ADAM22: variants seen among roughly 807,000 people sequenced by gnomAD.
ADAM22 encodes disintegrin and metalloproteinase domain-containing protein 22.
In ADAM22, 65 loss-of-function variants were observed where a neutral mutation model predicts 144.6. The ratio of observed to expected loss-of-function variants is 0.45; its 90% CI spans 0.37 to 0.55. ADAM22 has a LOEUF of 0.55. Among genes scored for constraint, ADAM22 ranks in the 20% least tolerant of loss-of-function variants. ADAM22 has a pLI of 0.00. For missense variants in ADAM22, 974 were observed against 1,184.9 expected, an observed-to-expected ratio of 0.82 and a Z score of 2.61; for synonymous variants, 391 against 412.6, an observed-to-expected ratio of 0.95 and a Z score of 0.63.
chr7:88,177,855 GA>G (rs1324494114), intron 26 of ADAM22, among the ~76,000 whole-genome samples: 1 of 152,118 alleles, frequency 6.6e-6, no homozygotes, highest in Non-Finnish European at 1.5e-5. Context: ...ATAAGAAAAA[GA>G]AAAGTTAGCA....
chr7:88,002,072 C>T (rs1278140169), intron 3 of ADAM22, among the ~76,000 whole-genome samples: 1 of 152,016 alleles, frequency 6.6e-6, no homozygotes, highest in Non-Finnish European at 1.5e-5. Context: ...AAATATGATG[C>T]ATATCATTTG....
intron 26 of ADAM22, among the ~76,000 whole-genome samples, chr7:88,175,264 A>G (rs887982920): frequency 6.6e-6 from 1 of 152,178 alleles, no homozygotes; most frequent in Non-Finnish European, 1.5e-5. Flanking sequence ...TTATGAACAC[A>G]TTAAGAGTTG....
chr7:88,123,846 G>A (rs1390331008), intron 7 of ADAM22, among the ~76,000 whole-genome samples: 1 of 151,684 alleles, frequency 6.6e-6, no homozygotes, highest in African/African-American at 2.4e-5. Flanking sequence ...AAATTACCAT[G>A]TGATTTCTTC....
chr7:88,189,829 A>G (rs1849210837), intron 30 of ADAM22, among the ~76,000 whole-genome samples: 1 of 152,146 alleles, frequency 6.6e-6, no homozygotes, highest in Non-Finnish European at 1.5e-5. Context: ...TTGTAATCCC[A>G]GCTACTTGGG....
chr7:88,080,606 C>A (rs995180656), intron 4 of ADAM22, among the ~76,000 whole-genome samples: 6 of 151,562 alleles, frequency 4.0e-5, no homozygotes, highest in Non-Finnish European at 8.8e-5. Context: ...GTTAGCAAGA[C>A]TAATAAAGAA....
rs376565955 is a variant in ADAM22, at chr7:88,138,468, G to A, written c.1220+2437G>A. On this transcript the variant is annotated intron_variant, in intron 14 of 31. Coordinates refer to ENST00000413139, the MANE Select transcript of ADAM22 (RefSeq NM_001324418.2). ...GAAAAGCCGTTTGTATAAAACTATGGGATATGACGCTATAATTTGATTGCA... is the reference window on the plus strand; with the variant it reads ...GAAAAGCCGTTTGTATAAAACTATGAGATATGACGCTATAATTTGATTGCA... Among the ~76,000 whole-genome samples, 18 of 152,236 alleles carry A rather than the reference G, an allele frequency of 1.2e-4. No individual in the cohort carries two copies. In the South Asian group the frequency reaches 3.1e-3, roughly 26 times the overall value.
At chr7:88,039,396 T>C (rs1043276996) in intron 3 of ADAM22, among the ~76,000 whole-genome samples, 2 of 141,148 alleles carry the variant, frequency 1.4e-5, no homozygotes, top group Non-Finnish European at 3.1e-5. Context: ...GAGCCGAGAT[T>C]GCACCACTGC....
intron 4 of ADAM22, among the ~76,000 whole-genome samples, chr7:88,082,990 A>G (rs1194705375): frequency 6.6e-6 from 1 of 152,212 alleles, no homozygotes; most frequent in Non-Finnish European, 1.5e-5. Context: ...ATTAGTGGGT[A>G]TATACCCAAA....
intron 14 of ADAM22, 49 bp from the exon 15 acceptor site, chr7:88,142,977 A>G (rs756803121): frequency 1.0e-5 from 12 of 1,176,510 alleles, no homozygotes; most frequent in Non-Finnish European, 1.5e-5. Flanking sequence ...ACATTCACAA[A>G]TGAGAAAGAT....
chr7:88,172,237 A>G (rs577495254), intron 26 of ADAM22, among the ~76,000 whole-genome samples: 4 of 152,076 alleles, frequency 2.6e-5, no homozygotes, highest in African/African-American at 9.6e-5. Flanking sequence ...CAAAATGTTC[A>G]TGTTGTTCTA....
intron 2 of ADAM22, among the ~76,000 whole-genome samples, chr7:87,968,424 A>G (rs188000293): frequency 4.6e-5 from 7 of 152,046 alleles, no homozygotes; most frequent in Non-Finnish European, 8.8e-5. Flanking sequence ...TGTAATCCCA[A>G]CGAATCAGGA....
At chr7:87,943,385 T>C (rs1260152004) in intron 2 of ADAM22, among the ~76,000 whole-genome samples, 1 of 151,936 alleles carries the variant, frequency 6.6e-6, no homozygotes, top group African/African-American at 2.4e-5. Context: ...TCTTTTATAA[T>C]CTTTACTACT....
At chr7:88,153,181 C>T (rs749775730) in intron 20 of ADAM22, 40 bp from the exon 21 acceptor site, 9 of 1,444,850 alleles carry the variant, frequency 6.2e-6, no homozygotes, top group South Asian at 6.1e-5. Context: ...GCAGCCAAAT[C>T]GTACTTCCCT....
intron 27 of ADAM22, among the ~76,000 whole-genome samples, chr7:88,180,848 G>GA (rs1359218579): frequency 6.6e-6 from 1 of 152,062 alleles, no homozygotes; most frequent in Non-Finnish European, 1.5e-5. Flanking sequence ...AAGATGGTAG[G>GA]ACACAAATAG....
At chr7:88,004,681 A>C (rs1278509496) in intron 3 of ADAM22, among the ~76,000 whole-genome samples, 2 of 152,238 alleles carry the variant, frequency 1.3e-5, no homozygotes, top group East Asian at 3.8e-4. Context: ...TCAGCTTTTC[A>C]CATTATTAGT....
intron 3 of ADAM22, among the ~76,000 whole-genome samples, chr7:87,985,575 A>G (rs1368629814): frequency 6.6e-6 from 1 of 152,126 alleles, no homozygotes. Context: ...GGAATCATAC[A>G]CTATGTATTC....
intron 3 of ADAM22, among the ~76,000 whole-genome samples, chr7:87,981,577 C>G (rs1336204340): frequency 1.3e-5 from 2 of 152,024 alleles, no homozygotes; most frequent in Non-Finnish European, 2.9e-5. Context: ...GAAGCAGAAG[C>G]AGGGTTAGAC....
intron 2 of ADAM22, among the ~76,000 whole-genome samples, chr7:87,973,531 G>C (rs560419993): frequency 6.6e-6 from 1 of 151,950 alleles, no homozygotes; most frequent in African/African-American, 2.4e-5. Flanking sequence ...TCAGTGTGGC[G>C]ATTCCTCAGG....
At chr7:88,183,857 T>C (rs199970672) in intron 29 of ADAM22, among the ~76,000 whole-genome samples, 1 of 150,478 alleles carries the variant, frequency 6.6e-6, no homozygotes, top group East Asian at 2.0e-4. Flanking sequence ...TATTTATACA[T>C]ACACACACAC....
Sources: gnomAD v4.1 joint callset for allele counts (sites outside exome capture counted in the v4.1 genomes callset) on GRCh38, gnomAD v4.1.1 for gene constraint, MANE v1.5 for transcripts, NCBI Gene and HGNC (gene_info 2026-07-23, HGNC 2026-07-21) for gene names.